Variants in GRID2 observed in about 807,000 individuals in gnomAD.
The protein encoded by GRID2 is glutamate ionotropic receptor delta type subunit 2, also known as glutamate receptor ionotropic, delta-2.
GRID2 carries 33 observed loss-of-function variants against 114.8 expected under a neutral mutation model. That is an observed-to-expected ratio of 0.29 (90% CI 0.22 to 0.38). The LOEUF (loss-of-function observed/expected upper bound fraction) is 0.38, where lower values mean the gene tolerates loss of function less well. GRID2 is among the 10% of genes least tolerant of loss of function. The pLI is 1.00. For synonymous variants in GRID2, 505 were observed against 449.9 expected (o/e 1.12, Z -1.55); for missense variants, 1,184 against 1,257.7 (o/e 0.94, Z 0.89).
At position 93,351,846 on chromosome 4, in the gene GRID2, G is replaced by T. The variant is rs569130501; in HGVS notation, c.1246-43761G>T. Reference sequence around the variant, plus strand: ...AAATTTATTTAACTTCAGAGAAATAGATCTTAATCATGACCCAGTGCTGCC... The same window carrying T: ...AAATTTATTTAACTTCAGAGAAATATATCTTAATCATGACCCAGTGCTGCC... On this transcript the variant is annotated intron_variant, in intron 8 of 15. Coordinates refer to ENST00000282020, the MANE Select transcript of GRID2 (RefSeq NM_001510.4). 8.9e-4 allele frequency among the ~76,000 whole-genome samples: 136 copies of T among 152,106 alleles called. 1 individual carries two copies. Among genetic ancestry groups the T allele is most frequent in the Non-Finnish European group, 1.5e-3 (102 of 67,982 alleles).
At chr4:93,619,921 T>G (rs1479458303) in intron 13 of GRID2, among the ~76,000 whole-genome samples, 1 of 152,242 alleles carries the variant, frequency 6.6e-6, no homozygotes, top group African/African-American at 2.4e-5. Flanking sequence ...GCAAAGGCTA[T>G]TCTATGTCAC....
chr4:93,306,782 C>T lies in GRID2; in HGVS notation c.1245+68292C>T, dbSNP rs146473921. 2.1e-3 allele frequency among the ~76,000 whole-genome samples: 317 copies of T among 152,264 alleles called. 2 individuals are homozygous for T. The highest frequency in any genetic ancestry group is 7.1e-3 in the African/African-American group (297 of 41,556). The stretch of plus-strand genomic sequence containing the variant: ...GGCAAAACTTTTCTTCCCTTTTGGG[C>T]GTTCTTGTTCTTTCTTGCATTCTTT... On this transcript the variant is annotated intron_variant, in intron 8 of 15. Coordinates refer to ENST00000282020, the MANE Select transcript of GRID2 (RefSeq NM_001510.4).
intron 2 of GRID2, among the ~76,000 whole-genome samples, chr4:92,954,254 T>TAC (rs1025640142): frequency 6.6e-6 from 1 of 151,842 alleles, no homozygotes; most frequent in Non-Finnish European, 1.5e-5. Context: ...TACAAACACA[T>TAC]ACACACATAT....
At chr4:93,508,300 G>A (rs994022496) in intron 12 of GRID2, among the ~76,000 whole-genome samples, 3 of 150,944 alleles carry the variant, frequency 2.0e-5, no homozygotes, top group Non-Finnish European at 4.4e-5. Flanking sequence ...GGGTTCAAGC[G>A]ATTCTCCTGC....
intron 2 of GRID2, among the ~76,000 whole-genome samples, chr4:92,594,787 A>G (rs376840827): frequency 2.0e-5 from 3 of 152,000 alleles, no homozygotes; most frequent in East Asian, 1.9e-4. Context: ...TGTGGCATCT[A>G]TGTACAACAT....
At chr4:93,230,209 A>G (rs1460191376) in intron 7 of GRID2, among the ~76,000 whole-genome samples, 1 of 151,830 alleles carries the variant, frequency 6.6e-6, no homozygotes, top group Non-Finnish European at 1.5e-5. Context: ...TTAGATTTTC[A>G]AACTGGTTAT....
intron 2 of GRID2, among the ~76,000 whole-genome samples, chr4:92,799,275 G>T (rs951723096): frequency 1.3e-5 from 2 of 151,772 alleles, no homozygotes; most frequent in Non-Finnish European, 2.9e-5. Flanking sequence ...CAATAAGGTC[G>T]GTGCTCCTGT....
intron 13 of GRID2, among the ~76,000 whole-genome samples, chr4:93,596,361 G>T (rs758138277): frequency 2.6e-5 from 4 of 152,156 alleles, no homozygotes; most frequent in Non-Finnish European, 5.9e-5. Context: ...GGGCGATCAC[G>T]AGGTCAGAAG....
chr4:93,441,440 A>G (rs1442380670), intron 10 of GRID2, among the ~76,000 whole-genome samples: 1 of 152,090 alleles, frequency 6.6e-6, no homozygotes, highest in Admixed American at 6.6e-5. Flanking sequence ...AAAATTTATT[A>G]TAGCCTAGAA....
intron 3 of GRID2, among the ~76,000 whole-genome samples, chr4:93,101,451 C>A (rs1429968656): frequency 6.6e-6 from 1 of 152,010 alleles, no homozygotes; most frequent in Non-Finnish European, 1.5e-5. Flanking sequence ...TGGTCATCAC[C>A]AGTCTGCTCT....
intron 2 of GRID2, among the ~76,000 whole-genome samples, chr4:92,926,968 T>C (rs1303499922): frequency 6.6e-6 from 1 of 151,842 alleles, no homozygotes; most frequent in Non-Finnish European, 1.5e-5. Flanking sequence ...CACATGAACT[T>C]TAGGAGACAC....
chr4:93,725,578 G>C (rs1487033658), intron 14 of GRID2, among the ~76,000 whole-genome samples: 3 of 151,226 alleles, frequency 2.0e-5, no homozygotes, highest in Admixed American at 6.6e-5. Flanking sequence ...CACAATGGTT[G>C]AACTAGTTGA....
At chr4:92,867,846 A>G (rs1448070229) in intron 2 of GRID2, among the ~76,000 whole-genome samples, 2 of 152,316 alleles carry the variant, frequency 1.3e-5, no homozygotes, top group African/African-American at 4.8e-5. Context: ...AAAAATATAC[A>G]TAAAATGTTA....
At chr4:92,347,773 G>C (rs1377593741) in intron 1 of GRID2, among the ~76,000 whole-genome samples, 1 of 152,014 alleles carries the variant, frequency 6.6e-6, no homozygotes, top group African/African-American at 2.4e-5. Context: ...TAAGAACAAA[G>C]AACAGAGTTT....
chr4:92,361,945 T>C (rs1728639772), intron 1 of GRID2, among the ~76,000 whole-genome samples: 1 of 152,010 alleles, frequency 6.6e-6, no homozygotes, highest in Non-Finnish European at 1.5e-5. Flanking sequence ...AATTCTGCAG[T>C]ATTATGTTAT....
chr4:92,885,990 C>T (rs1182072693), intron 2 of GRID2, among the ~76,000 whole-genome samples: 1 of 152,082 alleles, frequency 6.6e-6, no homozygotes. Context: ...GCTAAATGTT[C>T]TTAATGCAAG....
chr4:93,709,683 C>T (rs147985890), intron 14 of GRID2, among the ~76,000 whole-genome samples: 302 of 152,284 alleles, frequency 2.0e-3, no homozygotes, highest in African/African-American at 6.9e-3. Context: ...CCTAGTCTTA[C>T]TCCGTGTCTC....
chr4:92,494,328 A>G (rs1036473079), intron 1 of GRID2, among the ~76,000 whole-genome samples: 2 of 151,944 alleles, frequency 1.3e-5, no homozygotes, highest in Non-Finnish European at 2.9e-5. Context: ...AAAAATTTTC[A>G]GGAAAATTTT....
intron 2 of GRID2, among the ~76,000 whole-genome samples, chr4:92,909,049 T>A (rs1279978983): frequency 6.6e-6 from 1 of 152,178 alleles, no homozygotes; most frequent in East Asian, 1.9e-4. Context: ...GATTTTAATA[T>A]GTTTGGCAGA....
Sources: allele counts gnomAD v4.1 joint callset (sites outside exome capture counted in the v4.1 genomes callset), GRCh38; gene constraint gnomAD v4.1.1; transcripts MANE v1.5; gene names NCBI Gene and HGNC (gene_info 2026-07-23, HGNC 2026-07-21).